The following SORBS2 variants were observed in gnomAD, a reference collection of about 807,000 sequenced individuals.
The protein encoded by SORBS2 is sorbin and SH3 domain-containing protein 2.
In SORBS2, 46 loss-of-function variants were observed where a neutral mutation model predicts 97.7. That is an observed-to-expected ratio of 0.47 (90% confidence interval 0.37 to 0.60). SORBS2 has a LOEUF of 0.60. Among genes scored for constraint, SORBS2 ranks in the 20% least tolerant of loss-of-function variants. SORBS2 has a pLI of 0.00. For synonymous variants in SORBS2, 476 were observed against 473.4 expected, an observed-to-expected ratio of 1.01 and a Z score of -0.07; for missense variants, 1,316 against 1,282.3, an observed-to-expected ratio of 1.03 and a Z score of -0.40.
Position 185,842,930 on chromosome 4 carries a change from T to TAA in SORBS2, c.-337-67566_-337-67565dup, listed in dbSNP as rs56193107. The stretch of plus-strand genomic sequence containing the variant: ...AGCCTGGCGACAGAGAAAGACTGTC[T>TAA]AAAAAAAAAAAAAAAAAAATTAAAT... On this transcript the variant is annotated intron_variant, in intron 1 of 20. Transcript: ENST00000284776. Among the ~76,000 whole-genome samples, 1,004 of 122,340 alleles carry TAA rather than the reference T, an allele frequency of 8.2e-3. 26 individuals carry two copies. The highest frequency in any genetic ancestry group is 0.026 in the African/African-American group (825 of 32,148). 80.3% of individuals were successfully genotyped at this position (122,340 alleles called of 152,430 possible). A position where few individuals can be genotyped will look rare whatever the true frequency, so the allele number is the denominator to read the frequency against.
chr4:185,789,049 G>T (rs760616718), intron 1 of SORBS2, among the ~76,000 whole-genome samples: 1 of 152,184 alleles, frequency 6.6e-6, no homozygotes, highest in African/African-American at 2.4e-5. Flanking sequence ...TTCCTGGGCC[G>T]CAGAACACAC....
At chr4:185,632,173 C>T (rs867485088) in intron 4 of SORBS2, among the ~76,000 whole-genome samples, 2 of 152,316 alleles carry the variant, frequency 1.3e-5, no homozygotes, top group Middle Eastern at 3.4e-3. Context: ...GTATGTATAT[C>T]AGTCTTACAA....
chr4:185,840,647 A>G (rs2099210913), intron 1 of SORBS2, among the ~76,000 whole-genome samples: 1 of 152,196 alleles, frequency 6.6e-6, no homozygotes, highest in South Asian at 2.1e-4. Flanking sequence ...CCTCTTTCAA[A>G]TACAATTCGA....
rs561123181 is a variant in SORBS2 at position 185,806,683 on chromosome 4, C to T, written c.-337-31317G>A. Among the ~76,000 whole-genome samples, 520 of 152,034 alleles carry T rather than the reference C, an allele frequency of 3.4e-3. 4 individuals carry two copies. The highest frequency in any genetic ancestry group is 0.012 in the African/African-American group (508 of 41,452). On this transcript the variant is annotated intron_variant, in intron 1 of 20. Transcript: ENST00000284776. ...CCGTTTTAGCCGGGATGGTCTCGAT[C>T]TCCTGACCTCGTGATCCGCCCGCCT... is the stretch of plus-strand genomic sequence containing the variant.
intron 1 of SORBS2, among the ~76,000 whole-genome samples, chr4:185,889,892 C>CT (rs1561272404): frequency 1.3e-5 from 2 of 151,852 alleles, no homozygotes; most frequent in East Asian, 1.9e-4. Context: ...AATTTTTTTT[C>CT]TTTTTTTTCT....
At chr4:185,944,334 T>C (rs1159837228) in intron 1 of SORBS2, among the ~76,000 whole-genome samples, 1 of 152,218 alleles carries the variant, frequency 6.6e-6, no homozygotes, top group African/African-American at 2.4e-5. Context: ...GACACTTTCA[T>C]TGACATCAAT....
chr4:185,930,381 A>G (rs1284644527), intron 1 of SORBS2, among the ~76,000 whole-genome samples: 1 of 151,834 alleles, frequency 6.6e-6, no homozygotes, highest in South Asian at 2.1e-4. Context: ...TGCAAGCTCC[A>G]CCACCCGGGT....
At chr4:185,768,466 T>G (rs929795051) in intron 2 of SORBS2, among the ~76,000 whole-genome samples, 3 of 151,794 alleles carry the variant, frequency 2.0e-5, no homozygotes, top group Admixed American at 2.0e-4. Flanking sequence ...CCGAGGTGGG[T>G]GGATCACTTG....
chr4:185,586,383 T>C (rs570534656), exon 15 of SORBS2: 1 of 152,678 alleles, frequency 6.5e-6, no homozygotes, highest in South Asian at 2.1e-4. Flanking sequence ...AAAAAGTGCC[T>C]AATTTATTCC....
At chr4:185,788,936 T>C (rs980629888) in intron 1 of SORBS2, among the ~76,000 whole-genome samples, 6 of 152,240 alleles carry the variant, frequency 3.9e-5, no homozygotes, top group African/African-American at 1.2e-4. Flanking sequence ...ATTGGACTTC[T>C]GTACCACCTT....
chr4:185,880,484 G>A (rs879554134), intron 1 of SORBS2, among the ~76,000 whole-genome samples: 1 of 152,168 alleles, frequency 6.6e-6, no homozygotes, highest in African/African-American at 2.4e-5. Flanking sequence ...GTAATGAATG[G>A]TGTCTTGGAA....
chr4:185,589,939 T>TTGGA (rs1324623905), intron 13 of SORBS2, 154 bp from the exon 26 acceptor site: 3 of 593,194 alleles, frequency 5.1e-6, no homozygotes, highest in African/African-American at 1.9e-5. Flanking sequence ...TAGCATTCTA[T>TTGGA]TGGATGGTAC....
intron 2 of SORBS2, among the ~76,000 whole-genome samples, chr4:185,730,493 T>C (rs2153570805): frequency 6.6e-6 from 1 of 152,320 alleles, no homozygotes; most frequent in Admixed American, 6.5e-5. Context: ...CTCTCACTAT[T>C]GTCCATCTGG....
intron 2 of SORBS2, among the ~76,000 whole-genome samples, chr4:185,729,565 G>A (rs886432378): frequency 6.6e-6 from 1 of 152,228 alleles, no homozygotes; most frequent in Non-Finnish European, 1.5e-5. Flanking sequence ...GTTAGTTCCA[G>A]AAAATCATCC....
intron 2 of SORBS2, among the ~76,000 whole-genome samples, chr4:185,650,335 C>A (rs1020128444): frequency 1.6e-4 from 24 of 152,070 alleles, no homozygotes; most frequent in Admixed American, 1.6e-3. Flanking sequence ...ACCCACGAGT[C>A]CAGAGTCAGC....
At chr4:185,593,782 T>G (rs545593525) in intron 13 of SORBS2, 104 bp downstream of exon 25, 2 of 764,848 alleles carry the variant, frequency 2.6e-6, no homozygotes, top group Admixed American at 4.1e-5. Context: ...CTCATGTTAG[T>G]TTGATCTTTC....
At chr4:185,779,119 C>T (rs897623562) in intron 1 of SORBS2, among the ~76,000 whole-genome samples, 1 of 152,208 alleles carries the variant, frequency 6.6e-6, no homozygotes, top group African/African-American at 2.4e-5. Flanking sequence ...TATGCAAAGA[C>T]CATCTGCAGC....
intron 2 of SORBS2, among the ~76,000 whole-genome samples, chr4:185,691,643 C>T (rs996674658): frequency 6.6e-6 from 1 of 152,172 alleles, no homozygotes; most frequent in African/African-American, 2.4e-5. Context: ...CAAAATCCAT[C>T]TCTGCATTAG....
chr4:185,657,754 T>C (rs145322975), upstream of SORBS2, among the ~76,000 whole-genome samples: 450 of 152,304 alleles, frequency 3.0e-3, 6 homozygotes, highest in African/African-American at 0.011. Context: ...TGGTGGAAAC[T>C]GTGTAGGTGT....
Sources: gnomAD v4.1 joint callset for allele counts (sites outside exome capture counted in the v4.1 genomes callset) on GRCh38, gnomAD v4.1.1 for gene constraint, MANE v1.5 for transcripts, NCBI Gene and HGNC (gene_info 2026-07-23, HGNC 2026-07-21) for gene names.